Variants in PLXNC1 observed in about 807,000 individuals in gnomAD.
The protein encoded by PLXNC1 is plexin-C1.
A neutral mutation model predicts 178.2 loss-of-function variants in PLXNC1; 75 were observed. The observed-to-expected ratio is 0.42, with a 90% CI of 0.35 to 0.51. The LOEUF (loss-of-function observed/expected upper bound fraction) is 0.51, where lower values mean the gene tolerates loss of function less well. PLXNC1 is among the 20% of genes least tolerant of loss of function. The pLI is 0.02. For synonymous variants in PLXNC1, 790 were observed against 779.9 expected (o/e 1.01, Z -0.22); for missense variants, 1,503 against 1,984.4 (o/e 0.76, Z 4.61).
chr12:94,298,589 C>T, intron 26 of PLXNC1, 43 bp from the exon 27 acceptor site: 1 of 1,496,522 alleles, frequency 6.7e-7, no homozygotes, highest in Non-Finnish European at 9.0e-7. Flanking sequence ...AAACCACTAC[C>T]ACAGTTTTTA....
chr12:94,224,448 G>A (rs573926486), intron 7 of PLXNC1, 133 bp downstream of exon 7: 6 of 664,864 alleles, frequency 9.0e-6, no homozygotes, highest in South Asian at 8.3e-5. Context: ...ATGGTGTAAT[G>A]GGAGATAGGA....
rs371527824 is a variant in PLXNC1, at chr12:94,301,064, C to A, written c.4386+7C>A. On this transcript the variant is annotated splice_region_variant and intron_variant, in intron 28 of 30. Transcript: ENST00000258526. ...AGAGCAGCAACTAGGGAAGGTAAGGCCCAGCTTGAGTATTTCTTGTATGCA... is the reference window on the plus strand; with the variant it reads ...AGAGCAGCAACTAGGGAAGGTAAGGACCAGCTTGAGTATTTCTTGTATGCA... The A allele has an allele frequency of 8.7e-6, 14 of 1,612,820 alleles. No homozygotes were observed. The highest frequency in any genetic ancestry group is 1.3e-5 in the African/African-American group (1 of 74,832).
At chr12:94,241,511 C>G (rs976992045) in intron 11 of PLXNC1, among the ~76,000 whole-genome samples, 2 of 152,110 alleles carry the variant, frequency 1.3e-5, no homozygotes, top group Non-Finnish European at 2.9e-5. Context: ...CCTCTCTGGC[C>G]CCGCCACACC....
At chr12:94,287,849 T>C (rs1004721084) in intron 23 of PLXNC1, among the ~76,000 whole-genome samples, 4 of 152,234 alleles carry the variant, frequency 2.6e-5, no homozygotes, top group Non-Finnish European at 4.4e-5. Context: ...TCTTGTGTAC[T>C]GGGTACTGTT....
Position 94,220,001 on chromosome 12 carries a change from A to C in PLXNC1, c.1555-15A>C, listed in dbSNP as rs201569040. ...GCAAAAATCATCATTTTTTCCCCAT[A>C]TCTTCCCCGCACAGACTACAGTGAC... On this transcript the variant is annotated splice_polypyrimidine_tract_variant and intron_variant, in intron 5 of 30. Coordinates refer to ENST00000258526, the MANE Select transcript of PLXNC1 (RefSeq NM_005761.3). The C allele has an allele frequency of 1.3e-4, 206 of 1,610,118 alleles. No homozygotes were observed. The highest frequency in any genetic ancestry group is 1.7e-4 in the Non-Finnish European group (201 of 1,177,600).
Position 94,298,627 on chromosome 12 carries a change from T to C in PLXNC1, c.4075-5T>C. The C allele has an allele frequency of 1.3e-6, 2 of 1,583,070 alleles. No individual in the cohort carries two copies. Among genetic ancestry groups the C allele is most frequent in the Non-Finnish European group, 1.7e-6 (2 of 1,169,462 alleles). ...CTCCCAAATCTGATGTTGTCTATCTTTCAGGTGGCAATTCATTCTGTGCTT... is the reference window on the plus strand; with the variant it reads ...CTCCCAAATCTGATGTTGTCTATCTCTCAGGTGGCAATTCATTCTGTGCTT... On this transcript the variant is annotated splice_polypyrimidine_tract_variant and splice_region_variant and intron_variant, in intron 26 of 30. Coordinates refer to ENST00000258526, the MANE Select transcript of PLXNC1 (RefSeq NM_005761.3).
At chr12:94,239,864 A>G (rs904048282) in intron 10 of PLXNC1, among the ~76,000 whole-genome samples, 3 of 152,022 alleles carry the variant, frequency 2.0e-5, no homozygotes, top group Non-Finnish European at 2.9e-5. Flanking sequence ...CAGAATTTCC[A>G]TCTCTGTCTG....
chr12:94,201,277 A>G (rs994451537), intron 4 of PLXNC1, among the ~76,000 whole-genome samples: 1 of 152,268 alleles, frequency 6.6e-6, no homozygotes. Flanking sequence ...GCCTCCTTAC[A>G]TAGAAAAGGC....
At chr12:94,284,078 A>G (rs563371348) in intron 23 of PLXNC1, among the ~76,000 whole-genome samples, 2 of 142,228 alleles carry the variant, frequency 1.4e-5, no homozygotes, top group African/African-American at 2.7e-5. Context: ...GCAAGACTCC[A>G]TGTCAGGGGA....
intron 30 of PLXNC1, 105 bp from the exon 31 acceptor site, chr12:94,305,075 CA>C: frequency 3.0e-6 from 2 of 663,792 alleles, no homozygotes; most frequent in Non-Finnish European, 5.3e-6. Flanking sequence ...AAAATGTTGG[CA>C]TCTGTTTCAT....
At chr12:94,153,231 C>T (rs796597337) in intron 1 of PLXNC1, among the ~76,000 whole-genome samples, 5 of 152,342 alleles carry the variant, frequency 3.3e-5, no homozygotes, top group African/African-American at 1.2e-4. Context: ...ATGTCTACAT[C>T]TCTACTCTTC....
At chr12:94,177,191 A>G (rs1175778556) in intron 2 of PLXNC1, among the ~76,000 whole-genome samples, 23 of 56,710 alleles carry the variant, frequency 4.1e-4, no homozygotes, top group East Asian at 3.1e-3. Flanking sequence ...ATATATGTAT[A>G]TATATATACG....
intron 20 of PLXNC1, among the ~76,000 whole-genome samples, chr12:94,264,020 T>C (rs1472765830): frequency 6.6e-6 from 1 of 152,074 alleles, no homozygotes; most frequent in African/African-American, 2.4e-5. Context: ...CAAGCTTGAC[T>C]CTTAACTGGC....
chr12:94,294,547 A>AAT lies in PLXNC1; in HGVS notation c.3934+11_3934+12dup. 1 of 1,187,898 alleles carries AAT rather than the reference A, an allele frequency of 8.4e-7. No homozygotes were observed. Among genetic ancestry groups the AAT allele is most frequent in the Non-Finnish European group, 1.2e-6 (1 of 803,392 alleles). The allele number at this position is 1,187,898 out of a possible 1,614,324, so 73.6% of individuals were successfully genotyped here. A position where few individuals can be genotyped will look rare whatever the true frequency, so the allele number is the denominator to read the frequency against. On this transcript the variant is annotated splice_region_variant and intron_variant, in intron 24 of 30. Transcript: ENST00000258526. ...ATAGCAAATTTTACTTCAGGTAACC[A>AAT]ATATAATATTGTTAACCTTTTGTTC...
At chr12:94,217,888 C>T (rs1963689364) in intron 5 of PLXNC1, among the ~76,000 whole-genome samples, 1 of 152,108 alleles carries the variant, frequency 6.6e-6, no homozygotes, top group Admixed American at 6.5e-5. Flanking sequence ...TTGTGCAGCA[C>T]TTGGCACATG....
intron 9 of PLXNC1, among the ~76,000 whole-genome samples, chr12:94,236,674 G>A (rs1189513762): frequency 6.6e-6 from 1 of 152,196 alleles, no homozygotes; most frequent in Non-Finnish European, 1.5e-5. Flanking sequence ...GTGTGAGTAT[G>A]ATGTTCACTC....
intron 21 of PLXNC1, 24 bp from the exon 22 acceptor site, chr12:94,279,448 G>C (rs999359065): frequency 2.5e-6 from 4 of 1,592,310 alleles, no homozygotes; most frequent in African/African-American, 2.7e-5. Flanking sequence ...TAATAGACTT[G>C]GAAACCTGTT....
At chr12:94,174,813 T>G (rs887511144) in intron 2 of PLXNC1, among the ~76,000 whole-genome samples, 3 of 152,102 alleles carry the variant, frequency 2.0e-5, no homozygotes, top group African/African-American at 7.2e-5. Flanking sequence ...GTGGGTTCAT[T>G]GGTTGGCTGT....
chr12:94,157,139 C>T (rs746689523), intron 1 of PLXNC1, among the ~76,000 whole-genome samples: 5 of 152,148 alleles, frequency 3.3e-5, no homozygotes, highest in Admixed American at 6.5e-5. Context: ...ATGATGAGCC[C>T]GAGTTCAGTG....
Sources: gnomAD v4.1 joint callset for allele counts (sites outside exome capture counted in the v4.1 genomes callset) on GRCh38, gnomAD v4.1.1 for gene constraint, MANE v1.5 for transcripts, NCBI Gene and HGNC (gene_info 2026-07-23, HGNC 2026-07-21) for gene names.